Variants in TAFA4 observed in about 807,000 individuals in gnomAD.
The protein encoded by TAFA4 is chemokine-like protein TAFA-4.
TAFA4 carries 20 observed loss-of-function variants against 21.1 expected under a neutral mutation model. That is an observed-to-expected ratio of 0.95 (90% CI 0.67 to 1.38). The LOEUF is 1.38. TAFA4 is among the 40% of genes most tolerant of loss of function. The pLI is 0.00. For missense variants in TAFA4, 211 were observed against 180.9 expected (o/e 1.17, Z -0.95); for synonymous variants, 71 against 67.4 (o/e 1.05, Z -0.26).
At chr3:68,757,405 C>T (rs1017189853) in intron 3 of TAFA4, among the ~76,000 whole-genome samples, 1 of 152,116 alleles carries the variant, frequency 6.6e-6, no homozygotes, top group Non-Finnish European at 1.5e-5. Context: ...GTTAGGACTT[C>T]AGCATATGAA....
At chr3:68,877,910 T>C (rs767433398) in intron 3 of TAFA4, among the ~76,000 whole-genome samples, 20 of 152,206 alleles carry the variant, frequency 1.3e-4, no homozygotes, top group Non-Finnish European at 2.4e-4. Flanking sequence ...CTATTTTTCC[T>C]TATTAGTTAT....
chr3:68,812,458 C>A (rs1205395306), intron 3 of TAFA4, among the ~76,000 whole-genome samples: 1 of 151,836 alleles, frequency 6.6e-6, no homozygotes, highest in Non-Finnish European at 1.5e-5. Context: ...CATATAGGCT[C>A]AAAATAAAAG....
chr3:68,759,685 T>C (rs1385121254), intron 3 of TAFA4, among the ~76,000 whole-genome samples: 1 of 152,200 alleles, frequency 6.6e-6, no homozygotes, highest in Non-Finnish European at 1.5e-5. Context: ...AGTGAGAAGT[T>C]GCAGATGAAA....
intron 1 of TAFA4, among the ~76,000 whole-genome samples, chr3:68,888,735 C>G (rs1054585190): frequency 1.3e-5 from 2 of 150,578 alleles, no homozygotes; most frequent in Non-Finnish European, 3.0e-5. Context: ...AAAGAGTGCT[C>G]AAGAGAGGGA....
At chr3:68,856,694 C>G (rs969846219) in intron 3 of TAFA4, among the ~76,000 whole-genome samples, 1 of 152,106 alleles carries the variant, frequency 6.6e-6, no homozygotes, top group Non-Finnish European at 1.5e-5. Context: ...CATGGAAAGT[C>G]GCTCAACCCA....
chr3:68,857,072 T>C (rs1415114865), intron 3 of TAFA4, among the ~76,000 whole-genome samples: 1 of 152,190 alleles, frequency 6.6e-6, no homozygotes, highest in Non-Finnish European at 1.5e-5. Context: ...ATTAAACTTG[T>C]CATGTTTAAA....
chr3:68,823,507 A>G (rs557798003), intron 3 of TAFA4, among the ~76,000 whole-genome samples: 93 of 152,226 alleles, frequency 6.1e-4, no homozygotes, highest in African/African-American at 2.2e-3. Flanking sequence ...ACATAGGTAA[A>G]CATGTGCCCT....
intron 3 of TAFA4, among the ~76,000 whole-genome samples, chr3:68,845,087 C>G (rs766853370): frequency 6.6e-6 from 1 of 151,696 alleles, no homozygotes; most frequent in Non-Finnish European, 1.5e-5. Context: ...AATGTTGTCT[C>G]GTTAATCTAA....
chr3:68,833,971 C>A (rs1704460762), intron 3 of TAFA4, among the ~76,000 whole-genome samples: 1 of 152,162 alleles, frequency 6.6e-6, no homozygotes, highest in Admixed American at 6.6e-5. Flanking sequence ...CCCTAACACT[C>A]AGTTGGAGGG....
At chr3:68,766,876 G>C (rs1393426051) in intron 3 of TAFA4, among the ~76,000 whole-genome samples, 1 of 152,032 alleles carries the variant, frequency 6.6e-6, no homozygotes, top group Non-Finnish European at 1.5e-5. Context: ...ATATTAACAT[G>C]TGGAAAAACA....
At chr3:68,820,913 A>C (rs4855525) in intron 3 of TAFA4, among the ~76,000 whole-genome samples, 4,325 of 152,322 alleles carry the variant, frequency 0.028, 247 homozygotes, top group East Asian at 0.24. Flanking sequence ...ATTTTAGAAA[A>C]TGCAAAGAAT....
chr3:68,873,616 G>A (rs1223698606), intron 3 of TAFA4, among the ~76,000 whole-genome samples: 1 of 152,108 alleles, frequency 6.6e-6, no homozygotes, highest in Non-Finnish European at 1.5e-5. Context: ...CCTGTAAAAT[G>A]ACCACAGGAC....
intron 5 of TAFA4, among the ~76,000 whole-genome samples, chr3:68,736,386 C>T (rs1702241366): frequency 6.6e-6 from 1 of 152,038 alleles, no homozygotes; most frequent in Admixed American, 6.6e-5. Flanking sequence ...ATATTTTATA[C>T]CTGGAAAAGA....
intron 3 of TAFA4, among the ~76,000 whole-genome samples, chr3:68,872,847 T>A (rs1216774896): frequency 6.6e-6 from 1 of 152,138 alleles, no homozygotes; most frequent in Admixed American, 6.6e-5. Flanking sequence ...ATTAAATAAC[T>A]TTGCCCAGGG....
intron 3 of TAFA4, among the ~76,000 whole-genome samples, chr3:68,856,049 T>C (rs1705062262): frequency 6.6e-6 from 1 of 152,010 alleles, no homozygotes; most frequent in South Asian, 2.1e-4. Context: ...TGTGGATCCT[T>C]AATATTTGTA....
intron 3 of TAFA4, among the ~76,000 whole-genome samples, chr3:68,785,019 T>C (rs1401485061): frequency 1.3e-5 from 2 of 151,726 alleles, no homozygotes; most frequent in African/African-American, 4.8e-5. Context: ...GAGTGCCGAT[T>C]GGTGTATTTA....
At chr3:68,768,249 A>C (rs946741799) in intron 3 of TAFA4, among the ~76,000 whole-genome samples, 1 of 152,154 alleles carries the variant, frequency 6.6e-6, no homozygotes, top group African/African-American at 2.4e-5. Flanking sequence ...AAGAAACTCA[A>C]CTCAATAGTA....
At chr3:68,750,507 C>G (rs1559758581) in intron 4 of TAFA4, among the ~76,000 whole-genome samples, 1 of 152,180 alleles carries the variant, frequency 6.6e-6, no homozygotes, top group Non-Finnish European at 1.5e-5. Context: ...AAATCTACCA[C>G]TGTTTTCTAC....
intron 1 of TAFA4, among the ~76,000 whole-genome samples, chr3:68,915,883 TAA>T (rs1559562324): frequency 1.3e-5 from 2 of 152,208 alleles, no homozygotes; most frequent in African/African-American, 2.4e-5. Flanking sequence ...GAAAAATTTA[TAA>T]GAGAAATTTC....
Sources: gnomAD v4.1 joint callset for allele counts (sites outside exome capture counted in the v4.1 genomes callset) on GRCh38, gnomAD v4.1.1 for gene constraint, MANE v1.5 for transcripts, NCBI Gene and HGNC (gene_info 2026-07-23, HGNC 2026-07-21) for gene names.